LAMA2: variants seen among roughly 807,000 people sequenced by gnomAD.
LAMA2 encodes laminin subunit alpha 2, also known as laminin subunit alpha-2.
LAMA2 carries 269 observed loss-of-function variants against 364.8 expected under a neutral mutation model. That is an observed-to-expected ratio of 0.74 (90% CI 0.67 to 0.82). The LOEUF (loss-of-function observed/expected upper bound fraction) is 0.82. LAMA2 is among the 40% of genes least tolerant of loss of function. LAMA2 has a pLI of 0.00. For synonymous variants in LAMA2, 1,379 were observed against 1,370.6 expected, an observed-to-expected ratio of 1.01 and a Z score of -0.14; for missense variants, 3,807 against 3,873.2, an observed-to-expected ratio of 0.98 and a Z score of 0.45.
In LAMA2 at chr6:128,933,230, C is replaced by CTGTGTGTG. The variant is rs71028134; in HGVS notation, c.112+49901_112+49908dup. Among the ~76,000 whole-genome samples the CTGTGTGTG allele has an allele frequency of 3.6e-3, 530 of 146,284 alleles. 4 individuals are homozygous for CTGTGTGTG. Among genetic ancestry groups the CTGTGTGTG allele is most frequent in the Middle Eastern group, 7.0e-3 (2 of 284 alleles). ...TCTATCTCCCTCTCTCCCTCTCTTT[C>CTGTGTGTG]TGTGTGTGTGTGTGTGTGTGTGTGT... is the stretch of plus-strand genomic sequence containing the variant. On this transcript the variant is annotated intron_variant, in intron 1 of 64. Transcript: ENST00000421865.
chr6:129,314,577 T>C, intron 23 of LAMA2, 78 bp from the exon 24 acceptor site: 1 of 1,338,970 alleles, frequency 7.5e-7, no homozygotes, highest in South Asian at 1.2e-5. Context: ...AAGAGTATGC[T>C]CCCGTTATGC....
At chr6:128,974,876 G>T (rs1446738543) in intron 1 of LAMA2, among the ~76,000 whole-genome samples, 2 of 147,752 alleles carry the variant, frequency 1.4e-5, no homozygotes, top group Non-Finnish European at 3.0e-5. Context: ...TTTTGAGAAG[G>T]AGTCTCACTC....
intron 12 of LAMA2, among the ~76,000 whole-genome samples, chr6:129,198,075 A>C (rs1421853511): frequency 6.6e-6 from 1 of 152,126 alleles, no homozygotes; most frequent in Non-Finnish European, 1.5e-5. Flanking sequence ...AAAATAAAAT[A>C]GCTTACTTAA....
In LAMA2 at chr6:129,300,696, A is replaced by AT. The variant is rs769954804; in HGVS notation, c.3038-35dup. ...CAACACTTTGTGTCAAATTTTTACTATTTTTCCCCTTCTTTGTTTTCCCTC... is the reference window on the plus strand; with the variant it reads ...CAACACTTTGTGTCAAATTTTTACTATTTTTTCCCCTTCTTTGTTTTCCCTC... On this transcript the variant is annotated intron_variant, in intron 21 of 64. Coordinates refer to ENST00000421865, the MANE Select transcript of LAMA2 (RefSeq NM_000426.4). The AT allele has an allele frequency of 8.1e-6, 13 of 1,609,734 alleles. No individual in the cohort carries two copies. The Admixed American group carries it at 1.8e-4, about 23-fold the overall frequency.
intron 1 of LAMA2, among the ~76,000 whole-genome samples, chr6:128,944,225 T>TGGA (rs1780355400): frequency 1.3e-5 from 2 of 152,156 alleles, no homozygotes; most frequent in Non-Finnish European, 2.9e-5. Context: ...AATGCACAGT[T>TGGA]AAGGTACCCC....
intron 3 of LAMA2, among the ~76,000 whole-genome samples, chr6:129,063,522 CT>C (rs375843933): frequency 1.4e-3 from 214 of 152,164 alleles, no homozygotes; most frequent in African/African-American, 4.7e-3. Flanking sequence ...AGGGAGGCAG[CT>C]TTTCAGTAGA....
chr6:129,301,818 C>T (rs939417129), intron 22 of LAMA2, among the ~76,000 whole-genome samples: 1 of 152,084 alleles, frequency 6.6e-6, no homozygotes, highest in African/African-American at 2.4e-5. Context: ...CCCCCATGTG[C>T]CTACTGTTTT....
At chr6:129,462,280 G>A (rs534521154) in intron 49 of LAMA2, among the ~76,000 whole-genome samples, 1 of 151,978 alleles carries the variant, frequency 6.6e-6, no homozygotes, top group South Asian at 2.1e-4. Context: ...TATAACGGTA[G>A]CTGAATCCAA....
intron 3 of LAMA2, among the ~76,000 whole-genome samples, chr6:129,072,200 G>A (rs1773362404): frequency 6.6e-6 from 1 of 152,080 alleles, no homozygotes; most frequent in Non-Finnish European, 1.5e-5. Flanking sequence ...GTTGGTTGCA[G>A]TACTACAAAT....
chr6:129,066,682 A>G (rs1423550582), intron 3 of LAMA2, among the ~76,000 whole-genome samples: 1 of 152,230 alleles, frequency 6.6e-6, no homozygotes, highest in Non-Finnish European at 1.5e-5. Flanking sequence ...AATATACTAC[A>G]AAGCTGTAGT....
In LAMA2 at chr6:128,977,195, C is replaced by T. The variant is rs139664940; in HGVS notation, c.113-72723C>T. Among the ~76,000 whole-genome samples, 56 of 150,960 alleles carry T rather than the reference C, an allele frequency of 3.7e-4. 1 individual carries two copies. The highest frequency in any genetic ancestry group is 2.4e-3 in the Admixed American group (36 of 15,136). On this transcript the variant is annotated intron_variant, in intron 1 of 64. Coordinates refer to ENST00000421865, the MANE Select transcript of LAMA2 (RefSeq NM_000426.4). ...TAATACATAATGCTCTTTCTTCCTT[C>T]GTTCCTCCCCCTCTCTGTTTCTTCC...
intron 30 of LAMA2, among the ~76,000 whole-genome samples, chr6:129,347,832 CATA>C (rs1776637239): frequency 6.6e-6 from 1 of 152,226 alleles, no homozygotes; most frequent in East Asian, 1.9e-4. Context: ...TGCAATCCAC[CATA>C]ATATCATAAT....
At chr6:129,158,261 G>A (rs1779243171) in intron 8 of LAMA2, 1 of 1,614,088 alleles carries the variant, frequency 6.2e-7, no homozygotes, top group African/African-American at 1.3e-5. Flanking sequence ...AACCAAGTAT[G>A]TTTTCATGGC....
chr6:128,980,802 A>G (rs1250786757), intron 1 of LAMA2, among the ~76,000 whole-genome samples: 1 of 152,128 alleles, frequency 6.6e-6, no homozygotes, highest in East Asian at 1.9e-4. Context: ...CTTGAGAACT[A>G]CTATCAACAA....
At chr6:129,326,464 G>A (rs1460360411) in intron 28 of LAMA2, among the ~76,000 whole-genome samples, 4 of 151,914 alleles carry the variant, frequency 2.6e-5, no homozygotes. Flanking sequence ...ACAATTCCTC[G>A]ATGAGGAGTA....
intron 2 of LAMA2, among the ~76,000 whole-genome samples, chr6:129,051,296 G>A (rs7766111): frequency 0.21 from 30,591 of 147,566 alleles, 4,392 homozygotes; most frequent in African/African-American, 0.41. Flanking sequence ...TATTTTTAAT[G>A]AACAGATATA....
At chr6:129,023,589 T>G (rs1187687955) in intron 1 of LAMA2, among the ~76,000 whole-genome samples, 1 of 152,202 alleles carries the variant, frequency 6.6e-6, no homozygotes, top group East Asian at 1.9e-4. Context: ...CCTTCTCTCT[T>G]ACCTCCATAT....
intron 4 of LAMA2, among the ~76,000 whole-genome samples, chr6:129,109,998 C>G (rs1355956563): frequency 6.6e-6 from 1 of 151,820 alleles, no homozygotes; most frequent in African/African-American, 2.4e-5. Context: ...ATTGTGTGGA[C>G]CTGTTACTTC....
intron 51 of LAMA2, among the ~76,000 whole-genome samples, chr6:129,472,991 T>C (rs571758493): frequency 6.6e-6 from 1 of 152,158 alleles, no homozygotes; most frequent in African/African-American, 2.4e-5. Context: ...TTGCCTTCAC[T>C]GGTGTTCAAG....
Sources: gnomAD v4.1 joint callset for allele counts (sites outside exome capture counted in the v4.1 genomes callset) on GRCh38, gnomAD v4.1.1 for gene constraint, MANE v1.5 for transcripts, NCBI Gene and HGNC (gene_info 2026-07-23, HGNC 2026-07-21) for gene names.